Variants in ADAMTS6 observed in about 807,000 individuals in gnomAD.
The protein encoded by ADAMTS6 is ADAM metallopeptidase with thrombospondin type 1 motif 6.
A neutral mutation model predicts 144.3 loss-of-function variants in ADAMTS6; 23 were observed. That is an observed-to-expected ratio of 0.16 (90% CI 0.11 to 0.23). The LOEUF (loss-of-function observed/expected upper bound fraction) is 0.23. ADAMTS6 is among the 10% of genes least tolerant of loss of function. The pLI is 1.00. For missense variants in ADAMTS6, 999 were observed against 1,379.6 expected, an observed-to-expected ratio of 0.72 and a Z score of 4.37; for synonymous variants, 444 against 457.5, an observed-to-expected ratio of 0.97 and a Z score of 0.38.
chr5:65,370,483 G>A (rs1270032663), intron 7 of ADAMTS6, among the ~76,000 whole-genome samples: 3 of 152,190 alleles, frequency 2.0e-5, no homozygotes, highest in Non-Finnish European at 4.4e-5. Flanking sequence ...GGGTCAGGGA[G>A]TTCCCTTTCC....
intron 8 of ADAMTS6, among the ~76,000 whole-genome samples, chr5:65,333,682 G>T (rs1747000778): frequency 6.7e-6 from 1 of 148,494 alleles, no homozygotes. Flanking sequence ...TCACAATCTT[G>T]GTATTTCTAG....
intron 11 of ADAMTS6, among the ~76,000 whole-genome samples, chr5:65,277,463 C>T (rs909757190): frequency 6.6e-6 from 1 of 152,076 alleles, no homozygotes; most frequent in Non-Finnish European, 1.5e-5. Context: ...GTTTTGAGGT[C>T]TCACTGCAAC....
At chr5:65,250,806 C>G (rs1760092247) in intron 14 of ADAMTS6, among the ~76,000 whole-genome samples, 1 of 152,116 alleles carries the variant, frequency 6.6e-6, no homozygotes, top group Admixed American at 6.5e-5. Context: ...CAGGAAACTC[C>G]TTTTAGAAAT....
intron 15 of ADAMTS6, among the ~76,000 whole-genome samples, chr5:65,227,575 A>G (rs761396640): frequency 1.3e-5 from 2 of 150,538 alleles, no homozygotes; most frequent in South Asian, 4.5e-4. Context: ...ATGAAATGAC[A>G]TGGCTACATC....
intron 1 of ADAMTS6, among the ~76,000 whole-genome samples, chr5:65,478,369 C>A (rs1013429894): frequency 6.6e-6 from 1 of 152,132 alleles, no homozygotes; most frequent in Non-Finnish European, 1.5e-5. Flanking sequence ...ATGCATTGAC[C>A]TTTTAAATTG....
chr5:65,253,540 T>C (rs1760372278), intron 14 of ADAMTS6, among the ~76,000 whole-genome samples: 1 of 152,206 alleles, frequency 6.6e-6, no homozygotes, highest in Non-Finnish European at 1.5e-5. Flanking sequence ...ATGCATGATA[T>C]GCATAGTATT....
At position 65,197,125 on chromosome 5, in the gene ADAMTS6, T is replaced by C. The variant is rs756452940; in HGVS notation, c.2602A>G (p.Lys868Glu). 3 of 1,614,004 alleles carry C rather than the reference T, an allele frequency of 1.9e-6. No homozygotes were observed. The East Asian group carries it at 6.7e-5, about 36-fold the overall frequency. Residue 868 changes from lysine (K) to glutamate (E), a missense_variant, in exon 21 of 25, where the codon AAA becomes GAA. Transcript: ENST00000381055. ...GGVQRQEVVC[K>E]RLDDNSIVQN... is the part of the protein sequence containing the mutation. ...ACAATGGAGTTGTCATCCAACCTTT[T>C]ACAGACCACCTCCTGTCTTTGGACA...
At chr5:65,309,139 C>T (rs922095450) in intron 9 of ADAMTS6, among the ~76,000 whole-genome samples, 9 of 152,030 alleles carry the variant, frequency 5.9e-5, no homozygotes, top group Non-Finnish European at 1.0e-4. Flanking sequence ...GTGGTGGTTT[C>T]AGGGTGATTG....
At chr5:65,401,981 A>G (rs1224391227) in intron 7 of ADAMTS6, among the ~76,000 whole-genome samples, 1 of 151,950 alleles carries the variant, frequency 6.6e-6, no homozygotes, top group Admixed American at 6.6e-5. Flanking sequence ...ATCCTAATAC[A>G]CTGGCCTCTC....
intron 7 of ADAMTS6, among the ~76,000 whole-genome samples, chr5:65,392,147 A>G (rs1483573565): frequency 6.6e-6 from 1 of 152,194 alleles, no homozygotes; most frequent in Non-Finnish European, 1.5e-5. Context: ...TTGAGAAGAA[A>G]ATCACATCTG....
intron 7 of ADAMTS6, among the ~76,000 whole-genome samples, chr5:65,339,455 C>CA (rs538468970): frequency 0.23 from 25,080 of 108,528 alleles, 2,853 homozygotes; most frequent in African/African-American, 0.37. Flanking sequence ...ATAAAAAAAG[C>CA]AAAAAAAAAA....
At chr5:65,201,243 C>T (rs1755719455) in intron 20 of ADAMTS6, among the ~76,000 whole-genome samples, 1 of 152,160 alleles carries the variant, frequency 6.6e-6, no homozygotes, top group African/African-American at 2.4e-5. Flanking sequence ...GCAAAGAGTT[C>T]AGAGACCATC....
chr5:65,373,745 G>A lies in ADAMTS6; in HGVS notation c.1074-39660C>T, dbSNP rs62370667. Reference sequence around the variant, plus strand: ...TCAATAGAAATAGAGGGAATCCTCCGTAACTCATTTTATGAGGCCAGCATC... The same window carrying A: ...TCAATAGAAATAGAGGGAATCCTCCATAACTCATTTTATGAGGCCAGCATC... On this transcript the variant is annotated intron_variant, in intron 7 of 24. Transcript: ENST00000381055. 1.3e-4 allele frequency among the ~76,000 whole-genome samples: 19 copies of A among 151,888 alleles called. No individual in the cohort carries two copies. In the East Asian group the frequency reaches 2.7e-3, roughly 22 times the overall value.
intron 20 of ADAMTS6, among the ~76,000 whole-genome samples, chr5:65,201,290 T>C (rs1316889756): frequency 6.6e-6 from 1 of 152,158 alleles, no homozygotes; most frequent in East Asian, 1.9e-4. Context: ...CCAGTCCCTC[T>C]ACTCCTCTTA....
At chr5:65,468,815 C>T (rs1760220312) in intron 3 of ADAMTS6, among the ~76,000 whole-genome samples, 1 of 152,206 alleles carries the variant, frequency 6.6e-6, no homozygotes, top group Non-Finnish European at 1.5e-5. Flanking sequence ...TTCATAAAGT[C>T]ACCTACATTA....
chr5:65,455,273 T>C (rs2150254847), intron 4 of ADAMTS6, among the ~76,000 whole-genome samples: 1 of 152,358 alleles, frequency 6.6e-6, no homozygotes, highest in East Asian at 1.9e-4. Flanking sequence ...TCGAGTGTGA[T>C]GGCTCACGCC....
chr5:65,407,952 G>C (rs1239395876), intron 7 of ADAMTS6, among the ~76,000 whole-genome samples: 2 of 152,136 alleles, frequency 1.3e-5, no homozygotes, highest in Admixed American at 6.6e-5. Flanking sequence ...AATGCTGAGA[G>C]ATTTTGTCAC....
intron 7 of ADAMTS6, among the ~76,000 whole-genome samples, chr5:65,398,729 GAGAGAGAAAGAGAGATAA>G (rs1305918450): frequency 2.0e-5 from 3 of 149,378 alleles, no homozygotes; most frequent in African/African-American, 2.5e-5. Context: ...GAAAGAGAGA[GAGAGAGAAAGAGAGATAA>G]AGAGAGAAAG....
chr5:65,319,804 G>A (rs1333317948), intron 9 of ADAMTS6, among the ~76,000 whole-genome samples: 1 of 150,230 alleles, frequency 6.7e-6, no homozygotes, highest in Non-Finnish European at 1.5e-5. Flanking sequence ...AAGGAAATGA[G>A]CAAACAATAG....
Sources: allele counts gnomAD v4.1 joint callset (sites outside exome capture counted in the v4.1 genomes callset), GRCh38; gene constraint gnomAD v4.1.1; transcripts MANE v1.5; gene names NCBI Gene and HGNC (gene_info 2026-07-23, HGNC 2026-07-21).